The following IQGAP2 variants were observed in gnomAD, a reference collection of about 807,000 sequenced individuals.
IQGAP2 encodes ras GTPase-activating-like protein IQGAP2.
A neutral mutation model predicts 201.3 loss-of-function variants in IQGAP2; 173 were observed. The observed-to-expected ratio is 0.86, with a 90% CI of 0.76 to 0.98. The LOEUF is 0.98. Among genes scored for constraint, IQGAP2 ranks in the 50% least tolerant of loss-of-function variants. The pLI is 0.00. For synonymous variants in IQGAP2, 675 were observed against 673.9 expected, an observed-to-expected ratio of 1.00 and a Z score of -0.03; for missense variants, 1,687 against 1,864.8, an observed-to-expected ratio of 0.90 and a Z score of 1.76.
At chr5:76,677,179 T>C (rs766375220) in intron 27 of IQGAP2, 39 bp from the exon 28 acceptor site, 1 of 1,588,532 alleles carries the variant, frequency 6.3e-7, no homozygotes, top group Non-Finnish European at 8.6e-7. Flanking sequence ...TTAATGCACA[T>C]GTTTGAGTCT....
chr5:76,562,518 A>T lies in IQGAP2; in HGVS notation c.269A>T (p.Lys90Ile), dbSNP rs1461180566. 2 of 1,614,108 alleles carry T rather than the reference A, an allele frequency of 1.2e-6. No individual in the cohort carries two copies. The highest frequency in any genetic ancestry group is 1.7e-6 in the Non-Finnish European group (2 of 1,179,930). ...KFFAPKMVSE[K>I]KIYDVEQTRY... Reference sequence around the variant, plus strand: ...TTTGCCCCGAAAATGGTATCAGAGAAAAAGATCTATGATGTGGAACAAACA... The same window carrying T: ...TTTGCCCCGAAAATGGTATCAGAGATAAAGATCTATGATGTGGAACAAACA... Residue 90 changes from lysine (K) to isoleucine (I), a missense_variant, in exon 3 of 36, where the codon AAA becomes ATA. By Grantham distance (102) the Lys-to-Ile change is moderately radical (BLOSUM62 -3). Coordinates refer to ENST00000274364, the MANE Select transcript of IQGAP2 (RefSeq NM_006633.5).
chr5:76,650,664 G>C (rs1752446416), intron 17 of IQGAP2, among the ~76,000 whole-genome samples: 1 of 152,114 alleles, frequency 6.6e-6, no homozygotes, highest in East Asian at 1.9e-4. Context: ...GGGTACATGT[G>C]CACAACGTGC....
intron 33 of IQGAP2, 132 bp downstream of exon 33, chr5:76,698,279 C>G (rs1746941640): frequency 1.7e-6 from 1 of 588,244 alleles, no homozygotes; most frequent in African/African-American, 1.9e-5. Flanking sequence ...AAACTAGAGT[C>G]TCAGTTTTAT....
At chr5:76,545,366 G>A (rs981080604) in intron 2 of IQGAP2, among the ~76,000 whole-genome samples, 8 of 152,148 alleles carry the variant, frequency 5.3e-5, no homozygotes, top group African/African-American at 1.7e-4. Context: ...CTTGCCAAAG[G>A]ACCTCGGGGG....
chr5:76,610,108 ATATATATTTTTTTTTT>A (rs1561506302), intron 12 of IQGAP2, among the ~76,000 whole-genome samples: 31 of 14,476 alleles, frequency 2.1e-3, no homozygotes, highest in African/African-American at 6.8e-3. Context: ...ATATATATAT[ATATATATTTTTTTTTT>A]TTTTTTTTTT....
rs539383542 is a variant in IQGAP2, at chr5:76,430,757, A to T, written c.46+27166A>T. On this transcript the variant is annotated intron_variant, in intron 1 of 35. Coordinates refer to ENST00000274364, the MANE Select transcript of IQGAP2 (RefSeq NM_006633.5). The stretch of plus-strand genomic sequence containing the variant: ...AATTCAATGAAAGATTAGCTTGAGT[A>T]GAAGTCAGGAAAGCTATATCAAGAA... Among the ~76,000 whole-genome samples the T allele has an allele frequency of 2.6e-5, 4 of 152,340 alleles. No homozygotes were observed. The South Asian group carries it at 8.3e-4, about 32-fold the overall frequency.
chr5:76,432,785 A>G (rs970474441), intron 1 of IQGAP2, among the ~76,000 whole-genome samples: 9 of 152,212 alleles, frequency 5.9e-5, no homozygotes, highest in Non-Finnish European at 1.2e-4. Flanking sequence ...AGATCGGCTC[A>G]TCACAACTTT....
chr5:76,527,155 C>T (rs1271175663), intron 2 of IQGAP2, among the ~76,000 whole-genome samples: 3 of 152,206 alleles, frequency 2.0e-5, no homozygotes, highest in Non-Finnish European at 4.4e-5. Flanking sequence ...TTCCCAGTGT[C>T]TGGCCAAGAT....
chr5:76,630,707 C>G (rs531662420), intron 14 of IQGAP2, among the ~76,000 whole-genome samples: 38 of 19,392 alleles, frequency 2.0e-3, no homozygotes, highest in Non-Finnish European at 5.0e-3. Flanking sequence ...TTCTCAATTG[C>G]CAGTACTCTT....
chr5:76,554,880 C>T (rs1672255882), intron 2 of IQGAP2, among the ~76,000 whole-genome samples: 1 of 151,974 alleles, frequency 6.6e-6, no homozygotes, highest in South Asian at 2.1e-4. Context: ...GTATCATTCA[C>T]AATAGTCAAA....
intron 28 of IQGAP2, among the ~76,000 whole-genome samples, chr5:76,679,512 C>T (rs1338619767): frequency 6.6e-6 from 1 of 152,192 alleles, no homozygotes; most frequent in African/African-American, 2.4e-5. Flanking sequence ...AAGCCTGTGG[C>T]CATGTGCTTA....
chr5:76,672,978 T>C (rs965180442), intron 24 of IQGAP2, among the ~76,000 whole-genome samples: 1 of 151,730 alleles, frequency 6.6e-6, no homozygotes, highest in South Asian at 2.1e-4. Context: ...ATGGGTGCAG[T>C]ACACCAGCAT....
At chr5:76,681,084 T>G (rs1438856915) in intron 28 of IQGAP2, among the ~76,000 whole-genome samples, 7 of 119,510 alleles carry the variant, frequency 5.9e-5, no homozygotes, top group Non-Finnish European at 8.7e-5. Context: ...AGCGAGACTT[T>G]GTCTCAAAAA....
chr5:76,595,244 T>C lies in IQGAP2; in HGVS notation c.908-2195T>C, dbSNP rs1165075064. On this transcript the variant is annotated intron_variant, in intron 9 of 35. Coordinates refer to ENST00000274364, the MANE Select transcript of IQGAP2 (RefSeq NM_006633.5). ...AGCTGGACATTTTGCATTTCTTTGC[T>C]TTTTTTTTTTTTTTTTTTTTTTTTT... 6.1e-5 allele frequency among the ~76,000 whole-genome samples: 4 copies of C among 65,122 alleles called. 1 individual carries two copies. The highest frequency in any genetic ancestry group is 2.2e-4 in the African/African-American group (3 of 13,944). The allele number at this position is 65,122 out of a possible 152,430, so 42.7% of individuals were successfully genotyped here.
In IQGAP2 at chr5:76,468,951, G is replaced by A. The variant is rs533937249; in HGVS notation, c.146+7282G>A. Among the ~76,000 whole-genome samples the A allele has an allele frequency of 2.4e-4, 36 of 152,320 alleles. No individual in the cohort carries two copies. In the South Asian group the frequency reaches 7.0e-3, roughly 30 times the overall value. On this transcript the variant is annotated intron_variant, in intron 2 of 35. Coordinates refer to ENST00000274364, the MANE Select transcript of IQGAP2 (RefSeq NM_006633.5). ...CCTTTTGACATCACATCTATTGCAT[G>A]TTTGAATGAATAACGTAATGCCCAG...
rs146214088 is a variant in IQGAP2, at chr5:76,445,750, C to T, written c.47-15820C>T. Among the ~76,000 whole-genome samples the T allele has an allele frequency of 2.7e-3, 409 of 152,284 alleles. 5 individuals are homozygous for T. The highest frequency in any genetic ancestry group is 6.8e-3 in the Middle Eastern group (2 of 294). On this transcript the variant is annotated intron_variant, in intron 1 of 35. Coordinates refer to ENST00000274364, the MANE Select transcript of IQGAP2 (RefSeq NM_006633.5). ...AAGTGCTGGGATTACAGATGTGAGC[C>T]GCCATGCCTGGCCCATTTCAACCAT... is the stretch of plus-strand genomic sequence containing the variant.
chr5:76,544,916 A>C, intron 2 of IQGAP2, among the ~76,000 whole-genome samples: 1 of 152,218 alleles, frequency 6.6e-6, no homozygotes, highest in Admixed American at 6.5e-5. Flanking sequence ...GTATGTAGTT[A>C]TATACAGTAC....
intron 1 of IQGAP2, among the ~76,000 whole-genome samples, chr5:76,444,887 A>G (rs571726899): frequency 1.3e-5 from 2 of 152,318 alleles, no homozygotes; most frequent in Non-Finnish European, 2.9e-5. Flanking sequence ...ATGTAAATAT[A>G]TAAAAGATAA....
Position 76,432,128 on chromosome 5 carries a change from C to CTTTTTTTTTTTTTTT in IQGAP2, c.46+28538_46+28552dup, listed in dbSNP as rs70982606. 3.1e-3 allele frequency among the ~76,000 whole-genome samples: 300 copies of CTTTTTTTTTTTTTTT among 95,286 alleles called. 10 individuals are homozygous for CTTTTTTTTTTTTTTT. The highest frequency in any genetic ancestry group is 4.0e-3 in the Non-Finnish European group (201 of 50,134). The allele number at this position is 95,286 out of a possible 152,430, so 62.5% of individuals were successfully genotyped here. A position where few individuals can be genotyped will look rare whatever the true frequency, so the allele number is the denominator to read the frequency against. On this transcript the variant is annotated intron_variant, in intron 1 of 35. Coordinates refer to ENST00000274364, the MANE Select transcript of IQGAP2 (RefSeq NM_006633.5). ...TGGAATTGACTGATCTTTCTTTCTT[C>CTTTTTTTTTTTTTTT]TTTTTTTTTTTTTTTGAGATGGAGT...
Sources: gnomAD v4.1 joint callset for allele counts (sites outside exome capture counted in the v4.1 genomes callset) on GRCh38, gnomAD v4.1.1 for gene constraint, MANE v1.5 for transcripts, NCBI Gene and HGNC (gene_info 2026-07-23, HGNC 2026-07-21) for gene names.